CELA2B: variants seen among roughly 807,000 people sequenced by gnomAD.
CELA2B encodes chymotrypsin-like elastase family member 2B.
CELA2B carries 27 observed loss-of-function variants against 36.5 expected under a neutral mutation model. The observed-to-expected ratio is 0.74, with a 90% confidence interval of 0.55 to 1.02. The LOEUF is 1.02. CELA2B is among the 50% of genes least tolerant of loss of function. The pLI, the probability that CELA2B is intolerant of heterozygous loss-of-function variation, is 0.00. For missense variants in CELA2B, 340 were observed against 347.8 expected (o/e 0.98, Z 0.18); for synonymous variants, 143 against 148.5 (o/e 0.96, Z 0.27).
chr1:15,480,401 A>G (rs1197886275), intron 2 of CELA2B, among the ~76,000 whole-genome samples: 1 of 152,168 alleles, frequency 6.6e-6, no homozygotes, highest in African/African-American at 2.4e-5. Flanking sequence ...TTTTCTGTAG[A>G]GACGGTGTAT....
intron 5 of CELA2B, among the ~76,000 whole-genome samples, chr1:15,485,351 T>C (rs1351343895): frequency 6.6e-6 from 1 of 151,942 alleles, no homozygotes; most frequent in Non-Finnish European, 1.5e-5. Flanking sequence ...AGGAGGGGGC[T>C]CTAACTGCCA....
intron 2 of CELA2B, among the ~76,000 whole-genome samples, chr1:15,479,361 A>G (rs1014380857): frequency 3.9e-5 from 6 of 152,068 alleles, no homozygotes; most frequent in African/African-American, 1.4e-4. Context: ...CCTGGCCAAC[A>G]TGGTGAAACC....
In CELA2B at chr1:15,479,800, C is replaced by T. The variant is rs376297163; in HGVS notation, c.130-1298C>T. 5.3e-5 allele frequency among the ~76,000 whole-genome samples: 8 copies of T among 152,184 alleles called. No individual in the cohort carries two copies. In the East Asian group the frequency reaches 5.8e-4, roughly 11 times the overall value. On this transcript the variant is annotated intron_variant, in intron 2 of 7. Coordinates refer to ENST00000375910, the MANE Select transcript of CELA2B (RefSeq NM_015849.3). ...TGACAGGAAGTGAAGGAAAGAGCTACGCCGATATTTGCAAGAATATTCCAG... is the reference window on the plus strand; with the variant it reads ...TGACAGGAAGTGAAGGAAAGAGCTATGCCGATATTTGCAAGAATATTCCAG...
intron 5 of CELA2B, among the ~76,000 whole-genome samples, chr1:15,485,197 C>T (rs10803386): frequency 0.27 from 40,869 of 151,948 alleles, 5,918 homozygotes; most frequent in East Asian, 0.57. Flanking sequence ...GCCTGGCCGA[C>T]GCTTAACTTC....
intron 7 of CELA2B, among the ~76,000 whole-genome samples, chr1:15,490,512 T>G (rs1708869098): frequency 6.6e-6 from 1 of 152,234 alleles, no homozygotes; most frequent in South Asian, 2.1e-4. Flanking sequence ...ACTTGAGTAT[T>G]TGTGCTGTAG....
Position 15,481,182 on chromosome 1 carries a change from G to A in CELA2B, c.214G>A (p.Ala72Thr), listed in dbSNP as rs1708737700. Reference protein sequence around the residue: ...LIANSWVLTAAHCISSSGIYR... With the variant: ...LIANSWVLTATHCISSSGIYR... Reference sequence around the variant, plus strand: ...AGCCAACAGCTGGGTCCTGACGGCTGCCCACTGCATCAGGTAACTGCCATT... The same window carrying A: ...AGCCAACAGCTGGGTCCTGACGGCTACCCACTGCATCAGGTAACTGCCATT... The change falls in exon 3 of 8, where the codon GCC becomes ACC. Residue 72 changes from alanine (A) to threonine (T), a missense_variant. Transcript: ENST00000375910. 6 of 1,614,066 alleles carry A rather than the reference G, an allele frequency of 3.7e-6. No individual in the cohort carries two copies. The highest frequency in any genetic ancestry group is 8.5e-7 in the Non-Finnish European group (1 of 1,180,046).
chr1:15,486,754 T>A (rs1002430349), intron 6 of CELA2B, among the ~76,000 whole-genome samples: 1 of 152,238 alleles, frequency 6.6e-6, no homozygotes, highest in Non-Finnish European at 1.5e-5. Context: ...GAAACCTTCC[T>A]GGAGACAGTG....
chr1:15,482,482 C>G, intron 4 of CELA2B, 89 bp downstream of exon 4: 1 of 1,548,066 alleles, frequency 6.5e-7, no homozygotes, highest in African/African-American at 1.4e-5. Context: ...CCCCACCACA[C>G]CCCCTCTGCT....
intron 2 of CELA2B, among the ~76,000 whole-genome samples, chr1:15,479,343 G>C (rs1708713973): frequency 1.3e-5 from 2 of 152,082 alleles, no homozygotes; most frequent in African/African-American, 4.8e-5. Context: ...TCAGGAGTTG[G>C]AGACCAGCCT....
intron 3 of CELA2B, chr1:15,481,508 T>G: frequency 1.8e-6 from 1 of 544,932 alleles, no homozygotes. Context: ...CTTGAACAAC[T>G]TAACTGACTT....
Position 15,487,334 on chromosome 1 carries a change from A to AG in CELA2B, c.691dup (p.Val231GlyfsTer39). 1 of 1,614,180 alleles carries AG rather than the reference A, an allele frequency of 6.2e-7. No individual in the cohort carries two copies. Among genetic ancestry groups the AG allele is most frequent in the East Asian group, 2.2e-5 (1 of 44,880 alleles). ...TGTCAGGCATCTGACGGCCGGTGGG[A>AG]GGTGCATGGCATCGGCAGCCTCACG... On this transcript the variant is annotated frameshift_variant, in exon 7 of 8. Transcript: ENST00000375910. LOFTEE classifies it high-confidence loss of function.
Position 15,476,174 on chromosome 1 carries a change from T to G in CELA2B, c.40+9T>G. ...CACTTTGGTGGCTGGAGGTAAGTCCTGTCACCCAGAGGCACTGGTTTCCCA... is the reference window on the plus strand; with the variant it reads ...CACTTTGGTGGCTGGAGGTAAGTCCGGTCACCCAGAGGCACTGGTTTCCCA... On this transcript the variant is annotated intron_variant, in intron 1 of 7. Coordinates refer to ENST00000375910, the MANE Select transcript of CELA2B (RefSeq NM_015849.3). 1 of 1,614,162 alleles carries G rather than the reference T, an allele frequency of 6.2e-7. No individual in the cohort carries two copies. Among genetic ancestry groups the G allele is most frequent in the Non-Finnish European group, 8.5e-7 (1 of 1,180,022 alleles).
chr1:15,485,208 C>T (rs1440217810), intron 5 of CELA2B, among the ~76,000 whole-genome samples: 1 of 152,064 alleles, frequency 6.6e-6, no homozygotes, highest in East Asian at 1.9e-4. Flanking sequence ...GCTTAACTTC[C>T]CTTGGCTTCA....
chr1:15,476,524 GC>G lies in CELA2B; in HGVS notation c.111del (p.Asn38ThrfsTer25), dbSNP rs1254919943. The G allele has an allele frequency of 1.9e-6, 3 of 1,613,826 alleles. No individual in the cohort carries two copies. The highest frequency in any genetic ancestry group is 1.3e-5 in the African/African-American group (1 of 74,880). On this transcript the variant is annotated frameshift_variant, in exon 2 of 8. Coordinates refer to ENST00000375910, the MANE Select transcript of CELA2B (RefSeq NM_015849.3). LOFTEE classifies it high-confidence loss of function. The part of the protein sequence containing the change: ...SRMLGGEEAR[P>X]NSWPWQVSLQ... The stretch of plus-strand genomic sequence containing the variant: ...GGATGCTTGGAGGTGAAGAAGCGAG[GC>G]CCAACAGCTGGCCCTGGCAGGTGAG...
chr1:15,483,116 C>A, intron 4 of CELA2B, 148 bp from the exon 5 acceptor site: 1 of 1,276,468 alleles, frequency 7.8e-7, no homozygotes, highest in Middle Eastern at 2.8e-4. Context: ...CGACCCTCTA[C>A]ATTTTCAAAC....
chr1:15,480,958 T>C (rs1708734448), intron 2 of CELA2B, 140 bp from the exon 3 acceptor site: 1 of 800,100 alleles, frequency 1.2e-6, no homozygotes, highest in Non-Finnish European at 2.0e-6. Flanking sequence ...GGCTGAGGTT[T>C]TGGGTGCCCC....
chr1:15,488,319 G>C (rs1157771677), intron 7 of CELA2B, among the ~76,000 whole-genome samples: 2 of 152,108 alleles, frequency 1.3e-5, no homozygotes, highest in East Asian at 3.8e-4. Flanking sequence ...CCCAAGAGGT[G>C]GAGCCTACAG....
At chr1:15,480,823 T>C (rs1708730599) in intron 2 of CELA2B, among the ~76,000 whole-genome samples, 2 of 151,814 alleles carry the variant, frequency 1.3e-5, no homozygotes. Flanking sequence ...CTCAAACTCC[T>C]GGGCTCAACC....
At chr1:15,478,912 G>T (rs992432842) in intron 2 of CELA2B, among the ~76,000 whole-genome samples, 2 of 152,044 alleles carry the variant, frequency 1.3e-5, no homozygotes, top group African/African-American at 4.8e-5. Context: ...GCCCTGCACC[G>T]TGGCTTATGT....
Sources: gnomAD v4.1 joint callset for allele counts (sites outside exome capture counted in the v4.1 genomes callset) on GRCh38, gnomAD v4.1.1 for gene constraint, MANE v1.5 for transcripts, NCBI Gene and HGNC (gene_info 2026-07-23, HGNC 2026-07-21) for gene names.